The following ADAMTS6 variants were observed in gnomAD, a reference collection of about 807,000 sequenced individuals.
The protein encoded by ADAMTS6 is A disintegrin and metalloproteinase with thrombospondin motifs 6.
Under a neutral mutation model 144.3 loss-of-function variants are expected in ADAMTS6, and 23 were observed. The observed-to-expected ratio is 0.16, with a 90% CI of 0.11 to 0.23. The LOEUF (loss-of-function observed/expected upper bound fraction) is 0.23. Ranked by LOEUF, ADAMTS6 falls within the 10% of genes least tolerant of loss-of-function variation. The pLI is 1.00. For missense variants in ADAMTS6, 999 were observed against 1,379.6 expected, an observed-to-expected ratio of 0.72 and a Z score of 4.37; for synonymous variants, 444 against 457.5, an observed-to-expected ratio of 0.97 and a Z score of 0.38.
intron 24 of ADAMTS6, among the ~76,000 whole-genome samples, chr5:65,162,284 T>C (rs185363524): frequency 9.2e-5 from 14 of 152,328 alleles, no homozygotes; most frequent in South Asian, 4.1e-4. Context: ...TCCACAGATA[T>C]ATTGTTTTAG....
chr5:65,184,168 T>G (rs1030901160), intron 22 of ADAMTS6, among the ~76,000 whole-genome samples: 2 of 152,220 alleles, frequency 1.3e-5, no homozygotes, highest in Non-Finnish European at 2.9e-5. Context: ...TTATGAGGGA[T>G]GCATTTATGC....
chr5:65,434,869 T>C (rs1307614525), intron 7 of ADAMTS6, among the ~76,000 whole-genome samples: 2 of 152,178 alleles, frequency 1.3e-5, no homozygotes, highest in Non-Finnish European at 2.9e-5. Flanking sequence ...TTATGACCCA[T>C]TAGCTCTACT....
chr5:65,258,098 A>C (rs748969054), intron 14 of ADAMTS6, among the ~76,000 whole-genome samples: 8 of 152,200 alleles, frequency 5.3e-5, no homozygotes, highest in Non-Finnish European at 8.8e-5. Context: ...AAATATGACA[A>C]ATCAACTATA....
chr5:65,280,629 A>G (rs1762916513), intron 11 of ADAMTS6, among the ~76,000 whole-genome samples: 1 of 152,182 alleles, frequency 6.6e-6, no homozygotes, highest in African/African-American at 2.4e-5. Context: ...TCATTCCTCA[A>G]CTGTTCCTAT....
intron 18 of ADAMTS6, among the ~76,000 whole-genome samples, chr5:65,220,099 T>C (rs1222896928): frequency 6.6e-6 from 1 of 152,162 alleles, no homozygotes. Context: ...GCACATGTGC[T>C]AGACTATAAA....
At chr5:65,420,781 G>A (rs1049401068) in intron 7 of ADAMTS6, among the ~76,000 whole-genome samples, 1 of 150,960 alleles carries the variant, frequency 6.6e-6, no homozygotes. Flanking sequence ...GGTAGACTTA[G>A]AGTCAAATGG....
intron 7 of ADAMTS6, among the ~76,000 whole-genome samples, chr5:65,429,204 G>A (rs1756799435): frequency 6.6e-6 from 1 of 152,162 alleles, no homozygotes; most frequent in Admixed American, 6.6e-5. Context: ...GTAAAGGAAT[G>A]TCCTTAACTG....
intron 7 of ADAMTS6, among the ~76,000 whole-genome samples, chr5:65,383,290 A>C (rs1752195410): frequency 6.6e-6 from 1 of 152,152 alleles, no homozygotes; most frequent in African/African-American, 2.4e-5. Context: ...TAAAGTCATC[A>C]AATATTGGTG....
At chr5:65,428,764 T>A (rs1424244081) in intron 7 of ADAMTS6, among the ~76,000 whole-genome samples, 2 of 152,226 alleles carry the variant, frequency 1.3e-5, no homozygotes, top group African/African-American at 4.8e-5. Context: ...AAGGGCATAT[T>A]CAGTCTGTAT....
chr5:65,227,638 A>G (rs937961199), intron 15 of ADAMTS6, among the ~76,000 whole-genome samples: 1 of 152,228 alleles, frequency 6.6e-6, no homozygotes, highest in Non-Finnish European at 1.5e-5. Context: ...AAGCAAAGAA[A>G]AAGAAAATCG....
chr5:65,198,672 G>A (rs537364889), intron 20 of ADAMTS6: 6 of 167,074 alleles, frequency 3.6e-5, no homozygotes, highest in African/African-American at 1.4e-4. Flanking sequence ...CAGGGCTCTT[G>A]CTGATCACCT....
intron 7 of ADAMTS6, among the ~76,000 whole-genome samples, chr5:65,445,184 G>A (rs1758171008): frequency 6.6e-6 from 1 of 152,168 alleles, no homozygotes; most frequent in Non-Finnish European, 1.5e-5. Flanking sequence ...GGGCACTGAG[G>A]AAATAGCATC....
chr5:65,328,683 A>C (rs1305629882), intron 9 of ADAMTS6, among the ~76,000 whole-genome samples: 7 of 152,028 alleles, frequency 4.6e-5, no homozygotes, highest in Non-Finnish European at 4.4e-5. Context: ...TTTAAAAAAA[A>C]AGTATTATCA....
intron 9 of ADAMTS6, among the ~76,000 whole-genome samples, chr5:65,321,708 CTTTTTTTTTTT>C (rs529236363): frequency 1.0e-4 from 8 of 78,886 alleles, no homozygotes; most frequent in South Asian, 1.1e-3. Flanking sequence ...TTTTCTTTTC[CTTTTTTTTTTT>C]TTTTTTTTTT....
chr5:65,221,740 A>C (rs1757337638), intron 18 of ADAMTS6, among the ~76,000 whole-genome samples: 1 of 152,206 alleles, frequency 6.6e-6, no homozygotes, highest in Non-Finnish European at 1.5e-5. Flanking sequence ...TCTATAGAGA[A>C]AATCCAAATG....
At chr5:65,321,614 C>T (rs757810870) in intron 9 of ADAMTS6, among the ~76,000 whole-genome samples, 7 of 151,086 alleles carry the variant, frequency 4.6e-5, no homozygotes, top group Non-Finnish European at 7.4e-5. Context: ...AATCTTTGCA[C>T]ATGTCTATGT....
At chr5:65,287,722 G>T (rs1164337567) in intron 11 of ADAMTS6, among the ~76,000 whole-genome samples, 1 of 152,004 alleles carries the variant, frequency 6.6e-6, no homozygotes. Flanking sequence ...TAGAGACAGG[G>T]TTTCTCCACG....
intron 21 of ADAMTS6, among the ~76,000 whole-genome samples, chr5:65,191,703 G>T (rs1424020875): frequency 6.6e-6 from 1 of 151,886 alleles, no homozygotes; most frequent in South Asian, 2.1e-4. Context: ...AAAATAAAAA[G>T]AATTTTTTTT....
chr5:65,336,164 G>A (rs1747288454), intron 7 of ADAMTS6, among the ~76,000 whole-genome samples: 1 of 152,054 alleles, frequency 6.6e-6, no homozygotes, highest in African/African-American at 2.4e-5. Context: ...TATACAGATT[G>A]AGTTTATATA....
Sources: allele counts gnomAD v4.1 joint callset (sites outside exome capture counted in the v4.1 genomes callset), GRCh38; gene constraint gnomAD v4.1.1; transcripts MANE v1.5; gene names NCBI Gene and HGNC (gene_info 2026-07-23, HGNC 2026-07-21).